The following ELFN1 variants were observed in gnomAD, a reference collection of about 807,000 sequenced individuals.
The protein encoded by ELFN1 is protein ELFN1.
A neutral mutation model predicts 7.6 loss-of-function variants in ELFN1; 6 were observed. The ratio of observed to expected loss-of-function variants is 0.79; its 90% CI spans 0.43 to 1.56. The LOEUF (loss-of-function observed/expected upper bound fraction) is 1.56. ELFN1 is among the 40% of genes most tolerant of loss of function. The pLI, the probability that ELFN1 is intolerant of heterozygous loss-of-function variation, is 0.01. For synonymous variants in ELFN1, 657 were observed against 588.1 expected, an observed-to-expected ratio of 1.12 and a Z score of -1.70; for missense variants, 1,169 against 1,232.2, an observed-to-expected ratio of 0.95 and a Z score of 0.77.
At chr7:1,728,868 A>G (rs1780263458) in intron 3 of ELFN1, among the ~76,000 whole-genome samples, 1 of 152,100 alleles carries the variant, frequency 6.6e-6, no homozygotes, top group South Asian at 2.1e-4. Context: ...CGTGTTCACA[A>G]ACACCATCGC....
chr7:1,714,192 T>G (rs1180002241), intron 3 of ELFN1, among the ~76,000 whole-genome samples: 1 of 152,230 alleles, frequency 6.6e-6, no homozygotes, highest in East Asian at 1.9e-4. Context: ...CTTCTAGAGA[T>G]TCCCCAGCCC....
rs758849960 is a variant in ELFN1, at chr7:1,747,167, C to G, written c.*84C>G. On this transcript the variant is annotated 3_prime_UTR_variant, in exon 4 of 4. Coordinates refer to ENST00000424383, the MANE Select transcript of ELFN1 (RefSeq NM_001128636.4). Reference sequence around the variant, plus strand: ...CTCAGCACCAAACCCAACACACGCACGCCACCACAGCAACTGTGACAGCGG... The same window carrying G: ...CTCAGCACCAAACCCAACACACGCAGGCCACCACAGCAACTGTGACAGCGG... The G allele has an allele frequency of 1.6e-4, 222 of 1,355,010 alleles. No homozygotes were observed. The highest frequency in any genetic ancestry group is 1.9e-4 in the Non-Finnish European group (196 of 1,034,728). The allele number at this position is 1,355,010 out of a possible 1,614,324, so 83.9% of individuals were successfully genotyped here.
At position 1,747,017 on chromosome 7, in the gene ELFN1, C is replaced by T; in HGVS notation, c.2421C>T (p.Ala807=). 1 of 1,562,742 alleles carries T rather than the reference C, an allele frequency of 6.4e-7. No homozygotes were observed. The part of the protein sequence containing the change: ...GHALRKKVQF[A]KDEDLHDILD... ...CCCTGCGCAAGAAGGTTCAGTTCGC[C>T]AAAGACGAGGATCTGCACGACATCC... The change falls in exon 4 of 4, where the codon GCC becomes GCT. Residue 807 remains alanine (A), a synonymous_variant. Transcript: ENST00000424383.
In ELFN1 at chr7:1,709,453, G is replaced by A. The variant is rs557075216; in HGVS notation, c.-294+201G>A. On this transcript the variant is annotated intron_variant, in intron 3 of 3. Coordinates refer to ENST00000424383, the MANE Select transcript of ELFN1 (RefSeq NM_001128636.4). ...CAGATGAAGGGAGTGGACAGAGGCC[G>A]CAGGGGTGGCCTCGGAATTGGACAA... is the stretch of plus-strand genomic sequence containing the variant. 1.5e-4 allele frequency among the ~76,000 whole-genome samples: 23 copies of A among 152,334 alleles called. No individual in the cohort carries two copies. The East Asian group carries it at 2.9e-3, about 19-fold the overall frequency.
intron 3 of ELFN1, among the ~76,000 whole-genome samples, chr7:1,712,215 G>A (rs1012514703): frequency 6.6e-6 from 1 of 152,124 alleles, no homozygotes; most frequent in African/African-American, 2.4e-5. Flanking sequence ...AAGGAGTCTC[G>A]CTCTGTCGCC....
chr7:1,736,002 TG>T (rs1366366573), intron 3 of ELFN1, among the ~76,000 whole-genome samples: 1 of 152,166 alleles, frequency 6.6e-6, no homozygotes, highest in African/African-American at 2.4e-5. Context: ...ACGATGGTTC[TG>T]TGTCCCCTGA....
At chr7:1,697,405 AGCACCCTGGG>A (rs1262135267) in intron 2 of ELFN1, among the ~76,000 whole-genome samples, 1 of 152,114 alleles carries the variant, frequency 6.6e-6, no homozygotes, top group African/African-American at 2.4e-5. Context: ...CGGTGCTGGG[AGCACCCTGGG>A]GCCTGCACTC....
At chr7:1,681,710 C>G (rs549560940) in intron 1 of ELFN1, among the ~76,000 whole-genome samples, 1 of 152,218 alleles carries the variant, frequency 6.6e-6, no homozygotes, top group Non-Finnish European at 1.5e-5. Context: ...ATGTTACATT[C>G]CCACCAGCAA....
In ELFN1 at chr7:1,746,741, A is replaced by G; in HGVS notation, c.2145A>G (p.Pro715=). 1.3e-6 allele frequency: 2 copies of G among 1,491,272 alleles called. No homozygotes were observed. The highest frequency in any genetic ancestry group is 2.5e-5 in the South Asian group (2 of 79,640). 92.4% of individuals were successfully genotyped at this position (1,491,272 alleles called of 1,614,324 possible). The change falls in exon 4 of 4, where the codon CCA becomes CCG. Residue 715 remains proline, a synonymous_variant. Transcript: ENST00000424383. The part of the protein sequence containing the change: ...HSYPGSHPAE[P]PAPPGPPPPP... ...ACCCCGGCTCCCACCCGGCCGAGCCACCTGCGCCCCCCGGGCCACCGCCGC... is the reference window on the plus strand; with the variant it reads ...ACCCCGGCTCCCACCCGGCCGAGCCGCCTGCGCCCCCCGGGCCACCGCCGC...
At chr7:1,726,907 A>G (rs1288882276) in intron 3 of ELFN1, among the ~76,000 whole-genome samples, 1 of 152,026 alleles carries the variant, frequency 6.6e-6, no homozygotes. Context: ...TCTTCCCATC[A>G]TTTGTCCTTT....
At chr7:1,674,667 C>T (rs1017652584) in intron 1 of ELFN1, among the ~76,000 whole-genome samples, 1 of 152,136 alleles carries the variant, frequency 6.6e-6, no homozygotes, top group Non-Finnish European at 1.5e-5. Context: ...CTAATGTCTT[C>T]CTCTGCCAGT....
chr7:1,698,709 T>C (rs1779367261), intron 2 of ELFN1, among the ~76,000 whole-genome samples: 1 of 152,254 alleles, frequency 6.6e-6, no homozygotes, highest in African/African-American at 2.4e-5. Context: ...GTCAGCATTT[T>C]AGAGCTTCTC....
At chr7:1,738,030 G>A (rs558832735) in intron 3 of ELFN1, among the ~76,000 whole-genome samples, 43 of 152,332 alleles carry the variant, frequency 2.8e-4, no homozygotes, top group African/African-American at 9.9e-4. Context: ...GATGCCCCCA[G>A]GACAGCCGAG....
At chr7:1,678,759 C>T (rs181787460) in intron 1 of ELFN1, among the ~76,000 whole-genome samples, 342 of 152,342 alleles carry the variant, frequency 2.2e-3, no homozygotes, top group Middle Eastern at 6.8e-3. Context: ...TGTCTGCCCA[C>T]GTGGGTGCCA....
intron 3 of ELFN1, among the ~76,000 whole-genome samples, chr7:1,719,180 C>T (rs1341554035): frequency 1.4e-5 from 2 of 146,020 alleles, no homozygotes; most frequent in African/African-American, 5.4e-5. Context: ...GGGCCCCGCC[C>T]ACCAACAGGA....
chr7:1,747,739 G>A lies in ELFN1; in HGVS notation c.*656G>A, dbSNP rs1225625330. Reference sequence around the variant, plus strand: ...GAGGCTGTGCCTGTGGACGGCCGGGGTGGCCAGGACGGCCAAGGGCTGGGA... The same window carrying A: ...GAGGCTGTGCCTGTGGACGGCCGGGATGGCCAGGACGGCCAAGGGCTGGGA... On this transcript the variant is annotated 3_prime_UTR_variant, in exon 4 of 4. Transcript: ENST00000424383. 1 of 165,892 alleles carries A rather than the reference G, an allele frequency of 6.0e-6. No homozygotes were observed. Among genetic ancestry groups the A allele is most frequent in the African/African-American group, 2.4e-5 (1 of 41,450 alleles). The allele number at this position is 165,892 out of a possible 1,614,324, so 10.3% of individuals were successfully genotyped here. A position where few individuals can be genotyped will look rare whatever the true frequency, so the allele number is the denominator to read the frequency against.
rs755192563 is a variant in ELFN1 at position 1,693,786 on chromosome 7, A to T, written c.-456+5636A>T. ...GAGACCCTGATCAGTGCTGACAGAC[A>T]CGGGGTGCGGGACACGTGGGATGGG... On this transcript the variant is annotated intron_variant, in intron 2 of 3. Coordinates refer to ENST00000424383, the MANE Select transcript of ELFN1 (RefSeq NM_001128636.4). 97 of 470,664 alleles carry T rather than the reference A, an allele frequency of 2.1e-4. 3 individuals are homozygous for T. The highest frequency in any genetic ancestry group is 4.6e-4 in the South Asian group (30 of 64,570). 29.2% of individuals were successfully genotyped at this position (470,664 alleles called of 1,614,324 possible). A position where few individuals can be genotyped will look rare whatever the true frequency, so the allele number is the denominator to read the frequency against.
Position 1,747,403 on chromosome 7 carries a change from T to A in ELFN1, c.*320T>A. On this transcript the variant is annotated 3_prime_UTR_variant, in exon 4 of 4. Transcript: ENST00000424383. ...GTGGGGATTTTTTTTTCATTATCTTTCCTCTTTTGAGTCTTCTCTGCCTTT... is the reference window on the plus strand; with the variant it reads ...GTGGGGATTTTTTTTTCATTATCTTACCTCTTTTGAGTCTTCTCTGCCTTT... 1 of 234,978 alleles carries A rather than the reference T, an allele frequency of 4.3e-6. No homozygotes were observed. The allele number at this position is 234,978 out of a possible 1,614,324, so 14.6% of individuals were successfully genotyped here.
chr7:1,740,995 T>C lies in ELFN1; in HGVS notation c.-293-3309T>C, dbSNP rs577723438. Among the ~76,000 whole-genome samples the C allele has an allele frequency of 4.6e-5, 7 of 151,982 alleles. No homozygotes were observed. The South Asian group carries it at 1.4e-3, about 31-fold the overall frequency. ...AAGTACAAAAATTAGCCGGGCATGG[T>C]GGTGTGTGCCTATAATCCCAGCTAC... On this transcript the variant is annotated intron_variant, in intron 3 of 3. Transcript: ENST00000424383. This position sits in a 1 kb window ranked among gnomAD's most constrained non-coding sequence, Gnocchi z 5.0.
Sources: allele counts gnomAD v4.1 joint callset (sites outside exome capture counted in the v4.1 genomes callset), GRCh38; gene constraint gnomAD v4.1.1; non-coding constraint Gnocchi (gnomAD v3.1); transcripts MANE v1.5; gene names NCBI Gene and HGNC (gene_info 2026-07-23, HGNC 2026-07-21).